SASH1: variants seen among roughly 807,000 people sequenced by gnomAD.
The protein encoded by SASH1 is SAM and SH3 domain-containing protein 1.
SASH1 carries 44 observed loss-of-function variants against 125.2 expected under a neutral mutation model. The ratio of observed to expected loss-of-function variants is 0.35; its 90% CI spans 0.28 to 0.45. SASH1 has a LOEUF of 0.45. Ranked by LOEUF, SASH1 falls within the 20% of genes least tolerant of loss-of-function variation. SASH1 has a pLI of 1.00. For missense variants in SASH1, 1,426 were observed against 1,614.5 expected (o/e 0.88, Z 2.00); for synonymous variants, 639 against 649.1 (o/e 0.98, Z 0.24).
chr6:148,285,089 A>C (rs1409640578), intron 1 of SASH1, among the ~76,000 whole-genome samples: 1 of 152,160 alleles, frequency 6.6e-6, no homozygotes, highest in Non-Finnish European at 1.5e-5. Context: ...CCCCTCTCTC[A>C]ACTCCAAAGG....
At chr6:148,280,637 G>A (rs995328256) in intron 1 of SASH1, among the ~76,000 whole-genome samples, 3 of 151,886 alleles carry the variant, frequency 2.0e-5, no homozygotes, top group African/African-American at 2.4e-5. Flanking sequence ...GAGAGACCCC[G>A]TCCCTACAAA....
At chr6:148,402,120 C>T (rs1477234090) in intron 2 of SASH1, among the ~76,000 whole-genome samples, 1 of 152,078 alleles carries the variant, frequency 6.6e-6, no homozygotes, top group African/African-American at 2.4e-5. Context: ...TCAATGCTAG[C>T]GATGTGATAA....
upstream of SASH1, among the ~76,000 whole-genome samples, chr6:148,338,059 T>TTCAATCC (rs1781215166): frequency 9.2e-6 from 1 of 109,254 alleles, no homozygotes; most frequent in Non-Finnish European, 2.2e-5. Flanking sequence ...ATGGAATATC[T>TTCAATCC]ACACTTCCCT....
chr6:148,387,563 TTTC>T lies in SASH1; in HGVS notation c.157-2569_157-2567del, dbSNP rs1376729905. Among the ~76,000 whole-genome samples, 8 of 145,220 alleles carry T rather than the reference TTTC, an allele frequency of 5.5e-5. No homozygotes were observed. In the East Asian group the frequency reaches 8.2e-4, roughly 15 times the overall value. ...CTTTCTTTTCTTTTCCTTTCTTTCT[TTTC>T]TCTTTCTTTCTTTCTTTCTTTCTTT... On this transcript the variant is annotated intron_variant, in intron 1 of 19. Transcript: ENST00000367467.
intron 1 of SASH1, among the ~76,000 whole-genome samples, chr6:148,389,168 A>G (rs866216836): frequency 6.6e-6 from 1 of 152,194 alleles, no homozygotes; most frequent in Non-Finnish European, 1.5e-5. Context: ...TTTAGCATTT[A>G]CTACATGCCG....
intron 18 of SASH1, among the ~76,000 whole-genome samples, chr6:148,545,748 T>A (rs1303042518): frequency 6.6e-6 from 1 of 152,260 alleles, no homozygotes; most frequent in Non-Finnish European, 1.5e-5. Flanking sequence ...AAAGCATTCA[T>A]CCTGACCAAT....
At chr6:148,478,832 C>A (rs1778484690) in intron 7 of SASH1, 1 of 157,478 alleles carries the variant, frequency 6.4e-6, no homozygotes. Context: ...ACAATAGTAA[C>A]CACCTGGCCT....
At chr6:148,530,958 A>G (rs1423655994) in intron 12 of SASH1, among the ~76,000 whole-genome samples, 1 of 152,236 alleles carries the variant, frequency 6.6e-6, no homozygotes, top group Admixed American at 6.5e-5. Context: ...TGGAAATTTT[A>G]TGGTAGACTG....
chr6:148,237,012 G>A, the SASH1 span, among the ~76,000 whole-genome samples: 2 of 152,158 alleles, frequency 1.3e-5, no homozygotes, highest in Non-Finnish European at 2.9e-5. Context: ...CCGGATCTGG[G>A]CCCCTTGACC....
intron 1 of SASH1, among the ~76,000 whole-genome samples, chr6:148,311,847 G>T (rs1780340769): frequency 6.6e-6 from 1 of 152,118 alleles, no homozygotes; most frequent in Non-Finnish European, 1.5e-5. Flanking sequence ...TTCCTTGAAT[G>T]TTTATCATGG....
At chr6:148,234,051 A>G in the SASH1 span, among the ~76,000 whole-genome samples, 1 of 151,938 alleles carries the variant, frequency 6.6e-6, no homozygotes, top group Non-Finnish European at 1.5e-5. Flanking sequence ...ATAGGGATAC[A>G]ATTTGAGACA....
intron 1 of SASH1, among the ~76,000 whole-genome samples, chr6:148,378,392 T>C (rs1322675292): frequency 6.6e-6 from 1 of 151,780 alleles, no homozygotes; most frequent in Non-Finnish European, 1.5e-5. Flanking sequence ...TCTCACTCTG[T>C]CGCCCAGGCT....
intron 2 of SASH1, among the ~76,000 whole-genome samples, chr6:148,437,544 A>G (rs572893096): frequency 4.1e-4 from 63 of 152,294 alleles, no homozygotes; most frequent in African/African-American, 1.5e-3. Flanking sequence ...TATAGCCCCA[A>G]TCAATTTTCT....
chr6:148,260,489 C>A, the SASH1 span, among the ~76,000 whole-genome samples: 2 of 151,790 alleles, frequency 1.3e-5, no homozygotes, highest in African/African-American at 2.4e-5. Context: ...AGCCTGTAGT[C>A]CCAGCTCTTG....
intron 12 of SASH1, among the ~76,000 whole-genome samples, chr6:148,530,622 G>T (rs1039698352): frequency 2.0e-5 from 3 of 152,174 alleles, no homozygotes; most frequent in Admixed American, 6.5e-5. Flanking sequence ...CAAATAGCAG[G>T]TTTCATTTTA....
chr6:148,227,281 G>A, the SASH1 span, among the ~76,000 whole-genome samples: 1 of 152,146 alleles, frequency 6.6e-6, no homozygotes, highest in African/African-American at 2.4e-5. Context: ...GACTGTATTT[G>A]TCTTGTCCAT....
rs746094286 is a variant in SASH1, at chr6:148,308,793, C to A, written n.74+36416C>A. Reference sequence around the variant, plus strand: ...TTGTTCCTTGTCAGTCCATAAGATTCTCTTTCTCTGCCAGACGCAGTGGCT... The same window carrying A: ...TTGTTCCTTGTCAGTCCATAAGATTATCTTTCTCTGCCAGACGCAGTGGCT... On this transcript the variant is annotated intron_variant and non_coding_transcript_variant, in intron 1 of 3. Transcript: ENST00000367469. 2.0e-5 allele frequency among the ~76,000 whole-genome samples: 3 copies of A among 151,536 alleles called. No homozygotes were observed. The East Asian group carries it at 5.9e-4, about 30-fold the overall frequency.
At chr6:148,244,959 TGA>T in the SASH1 span, among the ~76,000 whole-genome samples, 25,257 of 116,512 alleles carry the variant, frequency 0.22, 2,088 homozygotes, top group Non-Finnish European at 0.26. Context: ...TGTGTGTGTG[TGA>T]GAGAGAGAGA....
chr6:148,295,991 A>G (rs994368805), intron 1 of SASH1, among the ~76,000 whole-genome samples: 10 of 152,214 alleles, frequency 6.6e-5, no homozygotes, highest in African/African-American at 2.2e-4. Context: ...TCTTATATGT[A>G]TTGACTTTCA....
Sources: allele counts gnomAD v4.1 joint callset (sites outside exome capture counted in the v4.1 genomes callset), GRCh38; gene constraint gnomAD v4.1.1; transcripts MANE v1.5; gene names NCBI Gene and HGNC (gene_info 2026-07-23, HGNC 2026-07-21).